The following SHANK2 variants were observed in gnomAD, a reference collection of about 807,000 sequenced individuals.
The protein encoded by SHANK2 is SH3 and multiple ankyrin repeat domains protein 2.
SHANK2 carries 43 observed loss-of-function variants against 133.7 expected under a neutral mutation model. The ratio of observed to expected loss-of-function variants is 0.32; its 90% confidence interval spans 0.25 to 0.41. The LOEUF (loss-of-function observed/expected upper bound fraction) is 0.41, where lower values mean the gene tolerates loss of function less well. Ranked by LOEUF, SHANK2 falls within the 10% of genes least tolerant of loss-of-function variation. The pLI is 1.00. For synonymous variants in SHANK2, 1,017 were observed against 952.8 expected (o/e 1.07, Z -1.24); for missense variants, 1,994 against 2,235.8 (o/e 0.89, Z 2.18).
chr11:71,167,955 G>A (rs1483705015), intron 2 of SHANK2, among the ~76,000 whole-genome samples: 2 of 146,060 alleles, frequency 1.4e-5, no homozygotes, highest in African/African-American at 5.2e-5. Flanking sequence ...GGACGAGGTG[G>A]CTGCCGGGCA....
chr11:71,073,478 T>C (rs1951177044), intron 9 of SHANK2, among the ~76,000 whole-genome samples: 3 of 151,826 alleles, frequency 2.0e-5, no homozygotes, highest in Admixed American at 1.3e-4. Flanking sequence ...TTTTAATTTT[T>C]ATTTTGGAGA....
intron 2 of SHANK2, among the ~76,000 whole-genome samples, chr11:71,184,172 A>G (rs1344019616): frequency 2.0e-5 from 3 of 152,030 alleles, no homozygotes; most frequent in Non-Finnish European, 2.9e-5. Context: ...ACCTGTCACT[A>G]TGCTCTTTTT....
chr11:71,211,192 CTTTTTT>C (rs34505384), intron 2 of SHANK2, among the ~76,000 whole-genome samples: 14 of 101,988 alleles, frequency 1.4e-4, no homozygotes, highest in African/African-American at 4.5e-4. Flanking sequence ...GGTCAATTTC[CTTTTTT>C]TTTTTTTTTT....
intron 2 of SHANK2, among the ~76,000 whole-genome samples, chr11:71,161,331 AT>A (rs1397507071): frequency 1.3e-5 from 2 of 152,216 alleles, no homozygotes; most frequent in Admixed American, 1.3e-4. Context: ...TCTTTGACAT[AT>A]TTTGAAATGG....
chr11:70,506,385 C>T, intron 17 of SHANK2, among the ~76,000 whole-genome samples: 1 of 152,206 alleles, frequency 6.6e-6, no homozygotes, highest in East Asian at 1.9e-4. Flanking sequence ...CCCTCGTAGA[C>T]CTGCTGCCCT....
chr11:70,779,739 C>T lies in SHANK2; in HGVS notation c.1777+18704G>A, dbSNP rs1175738210. On this transcript the variant is annotated intron_variant, in intron 14 of 25. Transcript: ENST00000601538. Reference sequence around the variant, plus strand: ...TTCAAGGAGCTGAGGCGCTTGGCGTCCCTGCTGAAGGCATATCTCTAACTA... The same window carrying T: ...TTCAAGGAGCTGAGGCGCTTGGCGTTCCTGCTGAAGGCATATCTCTAACTA... Among the ~76,000 whole-genome samples, 3 of 152,174 alleles carry T rather than the reference C, an allele frequency of 2.0e-5. No homozygotes were observed. In the East Asian group the frequency reaches 5.8e-4, roughly 29 times the overall value.
chr11:71,163,093 A>AACATATATATATATATAT, intron 2 of SHANK2, among the ~76,000 whole-genome samples: 1 of 84,678 alleles, frequency 1.2e-5, no homozygotes, highest in African/African-American at 4.6e-5. Flanking sequence ...AAAAAAAAAA[A>AACATATATATATATATAT]ATACATATAT....
At chr11:70,522,794 C>G (rs2059346738) in intron 17 of SHANK2, among the ~76,000 whole-genome samples, 1 of 152,230 alleles carries the variant, frequency 6.6e-6, no homozygotes, top group Non-Finnish European at 1.5e-5. Flanking sequence ...GCACTGCCCC[C>G]ACCTCCAACC....
intron 10 of SHANK2, among the ~76,000 whole-genome samples, chr11:70,930,457 G>T (rs1950486885): frequency 6.6e-6 from 1 of 152,088 alleles, no homozygotes; most frequent in Non-Finnish European, 1.5e-5. Context: ...GCTGACTGAT[G>T]CAAATACAAA....
At chr11:70,665,906 T>C (rs1944670262) in intron 15 of SHANK2, among the ~76,000 whole-genome samples, 1 of 152,050 alleles carries the variant, frequency 6.6e-6, no homozygotes, top group Non-Finnish European at 1.5e-5. Context: ...AGCTTGTCTC[T>C]TGTGGGGGAG....
rs1948042240 is a variant in SHANK2, at chr11:70,801,381, A to G, written c.1664-2825T>C. On this transcript the variant is annotated intron_variant, in intron 13 of 25. Coordinates refer to ENST00000601538, the MANE Select transcript of SHANK2 (RefSeq NM_012309.5). ...AGAGCAGGACGTGTGCCGAGGGTGC[A>G]GGGGAATGGAGGAGGGGGCCCCTTC... Among the ~76,000 whole-genome samples the G allele has an allele frequency of 3.9e-5, 6 of 152,300 alleles. No individual in the cohort carries two copies. The South Asian group carries it at 1.2e-3, about 32-fold the overall frequency.
At chr11:70,718,142 C>T (rs1398525184) in intron 14 of SHANK2, among the ~76,000 whole-genome samples, 1 of 152,182 alleles carries the variant, frequency 6.6e-6, no homozygotes, top group Non-Finnish European at 1.5e-5. Flanking sequence ...TTACGCATGC[C>T]ATTAGCAGGG....
intron 10 of SHANK2, among the ~76,000 whole-genome samples, chr11:70,914,305 G>T (rs1950237585): frequency 6.6e-6 from 1 of 151,900 alleles, no homozygotes; most frequent in African/African-American, 2.4e-5. Context: ...CTTCCTCTCA[G>T]GTAGAATCCA....
chr11:71,090,912 C>T (rs2135102829), intron 8 of SHANK2, among the ~76,000 whole-genome samples: 1 of 152,168 alleles, frequency 6.6e-6, no homozygotes. Context: ...CTCTTAAGGC[C>T]TTCAACTCAT....
chr11:70,760,511 A>C (rs1946972070), intron 14 of SHANK2, among the ~76,000 whole-genome samples: 1 of 152,206 alleles, frequency 6.6e-6, no homozygotes, highest in African/African-American at 2.4e-5. Context: ...CCTTAACTAC[A>C]TTTGCAAAGA....
chr11:71,204,263 G>T (rs1024861841), intron 2 of SHANK2, among the ~76,000 whole-genome samples: 1 of 152,188 alleles, frequency 6.6e-6, no homozygotes, highest in African/African-American at 2.4e-5. Flanking sequence ...CCATGGAAAT[G>T]ATCTGGAAGG....
intron 11 of SHANK2, among the ~76,000 whole-genome samples, chr11:70,889,661 T>C (rs1949808751): frequency 6.6e-6 from 1 of 152,174 alleles, no homozygotes; most frequent in Non-Finnish European, 1.5e-5. Context: ...GGCATCTGCA[T>C]TCCACACAAG....
intron 10 of SHANK2, among the ~76,000 whole-genome samples, chr11:70,924,024 C>A (rs183892615): frequency 2.0e-5 from 3 of 152,140 alleles, no homozygotes; most frequent in Non-Finnish European, 2.9e-5. Flanking sequence ...GGGGGAGGCA[C>A]GAGGGAGCAG....
At chr11:70,541,843 G>A (rs879971670) in intron 17 of SHANK2, among the ~76,000 whole-genome samples, 4 of 152,192 alleles carry the variant, frequency 2.6e-5, no homozygotes, top group South Asian at 2.1e-4. Flanking sequence ...CACCAATGCC[G>A]GGGCTGACCC....
Sources: gnomAD v4.1 joint callset for allele counts (sites outside exome capture counted in the v4.1 genomes callset) on GRCh38, gnomAD v4.1.1 for gene constraint, MANE v1.5 for transcripts, NCBI Gene and HGNC (gene_info 2026-07-23, HGNC 2026-07-21) for gene names.